FOCAD: variants seen among roughly 807,000 people sequenced by gnomAD.
FOCAD encodes the protein focadhesin.
A neutral mutation model predicts 225.6 loss-of-function variants in FOCAD; 198 were observed. That is an observed-to-expected ratio of 0.88 (90% CI 0.78 to 0.99). The LOEUF (loss-of-function observed/expected upper bound fraction) is 0.99, where lower values mean the gene tolerates loss of function less well. Ranked by LOEUF, FOCAD falls within the 50% of genes least tolerant of loss-of-function variation. FOCAD has a pLI of 0.00. For missense variants in FOCAD, 2,713 were observed against 2,123.6 expected (o/e 1.28, Z -5.46); for synonymous variants, 897 against 755.0 (o/e 1.19, Z -3.08).
chr9:20,747,560 A>G (rs1828155401), intron 5 of FOCAD, among the ~76,000 whole-genome samples: 1 of 152,094 alleles, frequency 6.6e-6, no homozygotes, highest in Non-Finnish European at 1.5e-5. Context: ...TCATCACCCC[A>G]AAAAGAAACC....
Position 20,674,032 on chromosome 9 carries a change from C to T in FOCAD, c.-78+15206C>T, listed in dbSNP as rs191903536. On this transcript the variant is annotated intron_variant, in intron 2 of 45. Transcript: ENST00000380249. ...TTATGCTACCAGTTTGGATAAGAAG[C>T]GAGGCACTGGGTCTATCTGTAGTGG... 4.7e-3 allele frequency among the ~76,000 whole-genome samples: 716 copies of T among 152,200 alleles called. 5 individuals carry two copies. Among genetic ancestry groups the T allele is most frequent in the Middle Eastern group, 0.01 (3 of 292 alleles).
At chr9:20,700,534 T>TA (rs111933515) in intron 1 of FOCAD, among the ~76,000 whole-genome samples, 3,244 of 140,702 alleles carry the variant, frequency 0.023, 39 homozygotes, top group African/African-American at 0.036. Flanking sequence ...TTCGCCTAGT[T>TA]AAAAAAAAAA....
chr9:20,869,537 T>G (rs780246584), intron 18 of FOCAD, among the ~76,000 whole-genome samples: 1 of 152,112 alleles, frequency 6.6e-6, no homozygotes, highest in African/African-American at 2.4e-5. Context: ...TTGGCAGATA[T>G]CAGAACAAAG....
intron 4 of FOCAD, among the ~76,000 whole-genome samples, chr9:20,728,438 C>G (rs1328586680): frequency 6.6e-6 from 1 of 152,150 alleles, no homozygotes; most frequent in African/African-American, 2.4e-5. Flanking sequence ...TGTCTGTAGC[C>G]TGTCACATGG....
intron 23 of FOCAD, among the ~76,000 whole-genome samples, chr9:20,916,404 G>A (rs1455263911): frequency 1.3e-5 from 2 of 152,024 alleles, no homozygotes; most frequent in Non-Finnish European, 2.9e-5. Context: ...AACACATAGC[G>A]ACTATTTCAT....
intron 16 of FOCAD, among the ~76,000 whole-genome samples, chr9:20,864,239 T>C (rs1006733789): frequency 2.0e-5 from 3 of 152,070 alleles, no homozygotes; most frequent in African/African-American, 2.4e-5. Flanking sequence ...CCCAGAGTGC[T>C]TCTTAAGTCA....
intron 5 of FOCAD, among the ~76,000 whole-genome samples, chr9:20,746,844 T>A (rs1828076844): frequency 6.6e-6 from 1 of 152,170 alleles, no homozygotes. Context: ...TGCCATACCT[T>A]TTTAGCCTTT....
Position 20,764,795 on chromosome 9 carries a change from G to A in FOCAD, c.495-74G>A, listed in dbSNP as rs1385072162. On this transcript the variant is annotated intron_variant, in intron 6 of 43. Transcript: ENST00000338382. The stretch of plus-strand genomic sequence containing the variant: ...GATTATGTTATGTCATGAACTATAA[G>A]TTGATATTTGCCACTTACCTGCTTG... The A allele has an allele frequency of 2.1e-5, 23 of 1,109,846 alleles. No individual in the cohort carries two copies. The South Asian group carries it at 2.4e-4, about 12-fold the overall frequency. 68.7% of individuals were successfully genotyped at this position (1,109,846 alleles called of 1,614,324 possible). A position where few individuals can be genotyped will look rare whatever the true frequency, so the allele number is the denominator to read the frequency against.
intron 41 of FOCAD, among the ~76,000 whole-genome samples, chr9:20,989,082 C>T (rs1256134460): frequency 2.0e-5 from 3 of 152,148 alleles, no homozygotes; most frequent in Non-Finnish European, 4.4e-5. Context: ...ATTGTGTTGA[C>T]TTAGCTGGCA....
intron 5 of FOCAD, among the ~76,000 whole-genome samples, chr9:20,745,068 A>G (rs977985436): frequency 3.3e-5 from 5 of 151,966 alleles, no homozygotes; most frequent in African/African-American, 1.2e-4. Context: ...TTGTTTAGCT[A>G]GAACCCCTCT....
chr9:20,772,109 A>G (rs72703917), intron 8 of FOCAD, among the ~76,000 whole-genome samples: 1,744 of 152,304 alleles, frequency 0.011, 23 homozygotes, highest in Non-Finnish European at 0.016. Context: ...AGAAGACAGA[A>G]TCAGTAGGGC....
In FOCAD at chr9:20,968,431, C is replaced by CTTTTTTTTTTTTTTTTTTTTTTT; in HGVS notation, c.4133-7987_4133-7965dup. ...GTTCTGTTGTTTGTATTTTCTTATT[C>CTTTTTTTTTTTTTTTTTTTTTTT]TTTTTTTTTTTTTTTTTTTTTTTTG... On this transcript the variant is annotated intron_variant, in intron 35 of 43. Transcript: ENST00000338382. Among the ~76,000 whole-genome samples, 7 of 43,620 alleles carry CTTTTTTTTTTTTTTTTTTTTTTT rather than the reference C, an allele frequency of 1.6e-4. 1 individual carries two copies. Among genetic ancestry groups the CTTTTTTTTTTTTTTTTTTTTTTT allele is most frequent in the Non-Finnish European group, 2.8e-4 (7 of 25,170 alleles). The allele number at this position is 43,620 out of a possible 152,430, so 28.6% of individuals were successfully genotyped here. A position where few individuals can be genotyped will look rare whatever the true frequency, so the allele number is the denominator to read the frequency against.
chr9:20,693,519 G>A (rs1823103772), intron 1 of FOCAD, among the ~76,000 whole-genome samples: 1 of 152,032 alleles, frequency 6.6e-6, no homozygotes, highest in Admixed American at 6.6e-5. Context: ...ATTTTTCTCT[G>A]TTTTCCCAGT....
chr9:20,733,327 C>T (rs1472032304), intron 4 of FOCAD, among the ~76,000 whole-genome samples: 1 of 152,170 alleles, frequency 6.6e-6, no homozygotes, highest in African/African-American at 2.4e-5. Flanking sequence ...CTCATACTGT[C>T]TATCCAGGAG....
At chr9:20,945,185 A>G (rs968386717) in intron 29 of FOCAD, among the ~76,000 whole-genome samples, 3 of 152,184 alleles carry the variant, frequency 2.0e-5, no homozygotes, top group Admixed American at 6.5e-5. Context: ...GTCAGCTAGC[A>G]TAAAATATTA....
At chr9:20,796,662 G>C (rs1366557187) in intron 11 of FOCAD, among the ~76,000 whole-genome samples, 1 of 152,012 alleles carries the variant, frequency 6.6e-6, no homozygotes, top group Admixed American at 6.6e-5. Flanking sequence ...TGATGGGGTT[G>C]TTTGTTTTTT....
At chr9:20,755,297 A>G (rs1334126321) in intron 5 of FOCAD, among the ~76,000 whole-genome samples, 1 of 152,176 alleles carries the variant, frequency 6.6e-6, no homozygotes, top group Non-Finnish European at 1.5e-5. Context: ...CATTTTTTGA[A>G]TTTAGGTCTG....
In FOCAD at chr9:20,981,623, C is replaced by A. The variant is rs1482201501; in HGVS notation, c.4575C>A (p.His1525Gln). 6.2e-7 allele frequency: 1 copy of A among 1,613,898 alleles called. No individual in the cohort carries two copies. ...TGAAACTGCCCAGCCCTGCCCACCACCTCTGGAGTCTGCTCTCTGAAGCTA... is the reference window on the plus strand; with the variant it reads ...TGAAACTGCCCAGCCCTGCCCACCAACTCTGGAGTCTGCTCTCTGAAGCTA... ...QAMKLPSPAH[H>Q]LWSLLSEATG... is the part of the protein sequence containing the mutation. The change falls in exon 38 of 44, where the codon CAC (histidine) becomes CAA (glutamine). Residue 1525 changes from histidine (H) to glutamine (Q), a missense_variant. Physicochemically the swap from His to Gln is conservative, Grantham distance 24 (BLOSUM62 0). Coordinates refer to ENST00000338382, the MANE Select transcript of FOCAD (RefSeq NM_001375567.1).
Position 20,791,356 on chromosome 9 carries a change from C to G in FOCAD, c.1455+1748C>G, listed in dbSNP as rs552018215. Among the ~76,000 whole-genome samples, 88 of 152,024 alleles carry G rather than the reference C, an allele frequency of 5.8e-4. 2 individuals carry two copies. The South Asian group carries it at 0.018, about 31-fold the overall frequency. On this transcript the variant is annotated intron_variant, in intron 11 of 43. Transcript: ENST00000338382. ...TTTTTTCCCCTTTATTTTTAGTTCC[C>G]AATTAATAATTGTACATACTTATGG...
Sources: gnomAD v4.1 joint callset for allele counts (sites outside exome capture counted in the v4.1 genomes callset) on GRCh38, gnomAD v4.1.1 for gene constraint, MANE v1.5 for transcripts, NCBI Gene and HGNC (gene_info 2026-07-23, HGNC 2026-07-21) for gene names.